The following GRIK2 variants were observed in gnomAD, a reference collection of about 807,000 sequenced individuals.
GRIK2 encodes the protein glutamate ionotropic receptor kainate type subunit 2.
GRIK2 carries 32 observed loss-of-function variants against 100.3 expected under a neutral mutation model. The ratio of observed to expected loss-of-function variants is 0.32; its 90% CI spans 0.24 to 0.43. The LOEUF (loss-of-function observed/expected upper bound fraction) is 0.43. GRIK2 is among the 20% of genes least tolerant of loss of function. The probability of loss-of-function intolerance (pLI) is 1.00; values close to 1 mark genes in which losing one functional copy is unlikely to be tolerated. For missense variants in GRIK2, 843 were observed against 1,114.9 expected (o/e 0.76, Z 3.47); for synonymous variants, 417 against 389.4 (o/e 1.07, Z -0.83).
chr6:101,811,964 A>G (rs910737406), intron 9 of GRIK2, among the ~76,000 whole-genome samples: 2 of 151,592 alleles, frequency 1.3e-5, no homozygotes, highest in Non-Finnish European at 3.0e-5. Flanking sequence ...TTATAAAACA[A>G]AATTATATGA....
intron 2 of GRIK2, among the ~76,000 whole-genome samples, chr6:101,438,624 C>G (rs1769871901): frequency 6.6e-6 from 1 of 152,116 alleles, no homozygotes; most frequent in Non-Finnish European, 1.5e-5. Context: ...TTCTGGCACA[C>G]TCTTTTAATG....
chr6:101,724,375 C>T (rs1023725303), intron 7 of GRIK2, among the ~76,000 whole-genome samples: 8 of 151,740 alleles, frequency 5.3e-5, no homozygotes, highest in Admixed American at 1.3e-4. Context: ...TTTCCTGTAT[C>T]GATCGTGCCC....
At chr6:101,657,973 A>T (rs1769317532) in intron 4 of GRIK2, among the ~76,000 whole-genome samples, 1 of 152,104 alleles carries the variant, frequency 6.6e-6, no homozygotes, top group Non-Finnish European at 1.5e-5. Context: ...TCTATTAGTA[A>T]CTTGGACTAT....
intron 2 of GRIK2, among the ~76,000 whole-genome samples, chr6:101,455,058 C>T (rs1216996308): frequency 6.6e-6 from 1 of 151,778 alleles, no homozygotes; most frequent in Non-Finnish European, 1.5e-5. Context: ...TACATTTTAC[C>T]TACTGGATTT....
At chr6:101,803,844 G>T (rs965506216) in intron 9 of GRIK2, among the ~76,000 whole-genome samples, 16 of 151,768 alleles carry the variant, frequency 1.1e-4, no homozygotes, top group African/African-American at 3.9e-4. Flanking sequence ...TTACAGATAC[G>T]CCTGAATATA....
chr6:101,484,454 A>G (rs537639032), intron 2 of GRIK2, among the ~76,000 whole-genome samples: 5 of 152,114 alleles, frequency 3.3e-5, no homozygotes, highest in Non-Finnish European at 7.4e-5. Flanking sequence ...CAGAGTTTGT[A>G]AAAATGATTT....
At chr6:102,023,946 G>A (rs1769560105) in intron 14 of GRIK2, among the ~76,000 whole-genome samples, 1 of 151,350 alleles carries the variant, frequency 6.6e-6, no homozygotes, top group African/African-American at 2.4e-5. Flanking sequence ...GGTCTTTAAT[G>A]CGCATGAGGC....
intron 15 of GRIK2, among the ~76,000 whole-genome samples, chr6:102,040,790 C>G (rs1449861348): frequency 6.6e-6 from 1 of 151,528 alleles, no homozygotes; most frequent in Non-Finnish European, 1.5e-5. Flanking sequence ...AAATTGCCAG[C>G]CTTCCGTTTT....
intron 12 of GRIK2, among the ~76,000 whole-genome samples, chr6:101,912,433 A>G (rs1419792884): frequency 6.6e-6 from 1 of 151,478 alleles, no homozygotes; most frequent in Non-Finnish European, 1.5e-5. Flanking sequence ...ATTTACGTGC[A>G]GCTCCTTAAT....
At chr6:101,855,175 G>A (rs1236570794) in intron 10 of GRIK2, among the ~76,000 whole-genome samples, 1 of 152,120 alleles carries the variant, frequency 6.6e-6, no homozygotes, top group Non-Finnish European at 1.5e-5. Context: ...AAGCCTTTAT[G>A]ATGAATATTT....
intron 2 of GRIK2, among the ~76,000 whole-genome samples, chr6:101,587,164 A>T (rs1199352243): frequency 1.3e-5 from 2 of 152,080 alleles, no homozygotes; most frequent in African/African-American, 2.4e-5. Flanking sequence ...GGCAAAGTTG[A>T]AAAAGAACAA....
chr6:101,704,957 C>A (rs1773152305), intron 7 of GRIK2, among the ~76,000 whole-genome samples: 1 of 145,530 alleles, frequency 6.9e-6, no homozygotes, highest in African/African-American at 2.5e-5. Context: ...ATCCACATTT[C>A]TAACTTTCAT....
intron 4 of GRIK2, among the ~76,000 whole-genome samples, chr6:101,640,773 G>A (rs921661713): frequency 1.3e-5 from 2 of 151,800 alleles, no homozygotes; most frequent in African/African-American, 2.4e-5. Context: ...CTGGGTAATC[G>A]TGATGCCATT....
Position 101,572,552 on chromosome 6 carries a change from C to A in GRIK2, c.116-49397C>A, listed in dbSNP as rs569285712. Among the ~76,000 whole-genome samples, 3 of 151,964 alleles carry A rather than the reference C, an allele frequency of 2.0e-5. No individual in the cohort carries two copies. The South Asian group carries it at 6.2e-4, about 32-fold the overall frequency. Reference sequence around the variant, plus strand: ...AGGAAATGCTTTGCCATCACAAGGCCAAGGTTAGTTGTTTTGATTTCTTGC... The same window carrying A: ...AGGAAATGCTTTGCCATCACAAGGCAAAGGTTAGTTGTTTTGATTTCTTGC... On this transcript the variant is annotated intron_variant, in intron 2 of 16. Transcript: ENST00000369134.
intron 2 of GRIK2, among the ~76,000 whole-genome samples, chr6:101,601,106 G>A (rs1331785210): frequency 1.5e-5 from 2 of 131,882 alleles, no homozygotes; most frequent in Non-Finnish European, 3.2e-5. Flanking sequence ...TTCCTCTGAT[G>A]CCTAGTTTGT....
intron 9 of GRIK2, among the ~76,000 whole-genome samples, chr6:101,812,849 C>G (rs973666857): frequency 2.0e-5 from 3 of 151,736 alleles, no homozygotes; most frequent in African/African-American, 7.3e-5. Flanking sequence ...AAAGAGTACA[C>G]CTTCTATAGA....
intron 7 of GRIK2, among the ~76,000 whole-genome samples, chr6:101,798,040 C>T (rs921200418): frequency 6.8e-6 from 1 of 147,826 alleles, no homozygotes; most frequent in Non-Finnish European, 1.5e-5. Context: ...TAGATTTCCA[C>T]TCTTTTTTTT....
At chr6:101,922,086 TC>T (rs1003812101) in intron 12 of GRIK2, among the ~76,000 whole-genome samples, 1 of 22,476 alleles carries the variant, frequency 4.4e-5, no homozygotes, top group African/African-American at 1.9e-4. Flanking sequence ...TTTCCTTCCT[TC>T]CTTCCTTCCT....
chr6:101,825,467 A>G (rs1194330034), intron 10 of GRIK2, among the ~76,000 whole-genome samples: 1 of 152,162 alleles, frequency 6.6e-6, no homozygotes, highest in South Asian at 2.1e-4. Context: ...AAAATTAGGT[A>G]TAATTTTGAA....
Sources: allele counts gnomAD v4.1 joint callset (sites outside exome capture counted in the v4.1 genomes callset), GRCh38; gene constraint gnomAD v4.1.1; transcripts MANE v1.5; gene names NCBI Gene and HGNC (gene_info 2026-07-23, HGNC 2026-07-21).